PCNP: variants seen among roughly 807,000 people sequenced by gnomAD.
PCNP encodes the protein PEST proteolytic signal-containing nuclear protein.
A neutral mutation model predicts 21.8 loss-of-function variants in PCNP; 6 were observed. The observed-to-expected ratio is 0.28, with a 90% CI of 0.15 to 0.54. The LOEUF is 0.54. Among genes scored for constraint, PCNP ranks in the 20% least tolerant of loss-of-function variants. The pLI, the probability that PCNP is intolerant of heterozygous loss-of-function variation, is 0.95. For missense variants in PCNP, 161 were observed against 215.5 expected (o/e 0.75, Z 1.58); for synonymous variants, 67 against 73.2 (o/e 0.92, Z 0.43).
At chr3:101,576,422 A>G (rs878936623) in intron 1 of PCNP, 1 of 1,235,134 alleles carries the variant, frequency 8.1e-7, no homozygotes, top group Non-Finnish European at 1.1e-6. Flanking sequence ...TTTATTTTTT[A>G]TTTTTTTTAT....
chr3:101,579,057 A>G (rs980536369), intron 1 of PCNP, among the ~76,000 whole-genome samples: 40 of 152,152 alleles, frequency 2.6e-4, no homozygotes, highest in African/African-American at 8.9e-4. Flanking sequence ...CTACATATGT[A>G]TGCCTTCTAC....
At position 101,577,082 on chromosome 3, in the gene PCNP, C is replaced by T. The variant is rs189891183; in HGVS notation, c.65-2708C>T. The T allele has an allele frequency of 3.0e-4, 205 of 672,138 alleles. 2 individuals carry two copies. Among genetic ancestry groups the T allele is most frequent in the South Asian group, 2.1e-3 (129 of 62,386 alleles). The allele number at this position is 672,138 out of a possible 1,614,324, so 41.6% of individuals were successfully genotyped here. ...CCTCGTGATCCGCCCGCCTCGGCCTCCCGAAGTGCTGGGATTACAGGCGTC... is the reference window on the plus strand; with the variant it reads ...CCTCGTGATCCGCCCGCCTCGGCCTTCCGAAGTGCTGGGATTACAGGCGTC... On this transcript the variant is annotated intron_variant, in intron 1 of 4. Transcript: ENST00000265260.
chr3:101,585,648 A>G, intron 3 of PCNP, 137 bp downstream of exon 3: 1 of 562,248 alleles, frequency 1.8e-6, no homozygotes, highest in Non-Finnish European at 3.1e-6. Flanking sequence ...CATCCATAAA[A>G]ACTGGATACT....
At chr3:101,592,140 G>GT (rs1273332810) in intron 4 of PCNP, among the ~76,000 whole-genome samples, 2 of 151,216 alleles carry the variant, frequency 1.3e-5, no homozygotes, top group African/African-American at 4.9e-5. Flanking sequence ...AGTGTTTTTT[G>GT]TTTTTTGTTT....
At chr3:101,587,008 C>T (rs1439659393) in intron 3 of PCNP, among the ~76,000 whole-genome samples, 2 of 152,126 alleles carry the variant, frequency 1.3e-5, no homozygotes, top group South Asian at 2.1e-4. Context: ...AATCCCAACA[C>T]TTTGGGAGGC....
chr3:101,585,963 C>T (rs1935475727), intron 3 of PCNP, among the ~76,000 whole-genome samples: 3 of 151,988 alleles, frequency 2.0e-5, no homozygotes, highest in East Asian at 3.9e-4. Flanking sequence ...TTGAGGTCAG[C>T]GGTTCAAGAC....
chr3:101,592,456 C>T (rs1935865962), intron 4 of PCNP, among the ~76,000 whole-genome samples, 171 bp from the exon 5 acceptor site: 1 of 152,076 alleles, frequency 6.6e-6, no homozygotes, highest in South Asian at 2.1e-4. Context: ...TTACAGGTAT[C>T]AGCACCATGC....
chr3:101,575,953 T>C (rs965297692), intron 1 of PCNP, among the ~76,000 whole-genome samples: 11 of 152,216 alleles, frequency 7.2e-5, no homozygotes, highest in Admixed American at 4.6e-4. Flanking sequence ...TAAATATCCC[T>C]TAACTTCTAC....
At chr3:101,592,529 A>C (rs1935870254) in intron 4 of PCNP, 98 bp from the exon 5 acceptor site, 2 of 941,496 alleles carry the variant, frequency 2.1e-6, no homozygotes, top group Non-Finnish European at 3.2e-6. Flanking sequence ...GTCTGTGTTT[A>C]TAATAGGTGC....
At chr3:101,579,364 T>TCA (rs1935107016) in intron 1 of PCNP, among the ~76,000 whole-genome samples, 3 of 152,158 alleles carry the variant, frequency 2.0e-5, no homozygotes, top group African/African-American at 7.2e-5. Flanking sequence ...GATTATTACA[T>TCA]TACTGAAGAA....
intron 4 of PCNP, among the ~76,000 whole-genome samples, chr3:101,591,766 GTTTTTTTTTTTTTT>G (rs149888934): frequency 9.8e-6 from 1 of 102,310 alleles, no homozygotes; most frequent in Non-Finnish European, 1.9e-5. Flanking sequence ...TGATTTTGGT[GTTTTTTTTTTTTTT>G]TTTTTTTTTA....
At chr3:101,591,368 T>A (rs1338462576) in intron 4 of PCNP, among the ~76,000 whole-genome samples, 1 of 148,098 alleles carries the variant, frequency 6.8e-6, no homozygotes, top group African/African-American at 2.5e-5. Flanking sequence ...GAGTGGTAAA[T>A]CTTTTTCCTT....
rs1935872965 is a variant in PCNP at position 101,592,575 on chromosome 3, C to T, written c.411-52C>T. On this transcript the variant is annotated intron_variant, in intron 4 of 4. Coordinates refer to ENST00000265260, the MANE Select transcript of PCNP (RefSeq NM_020357.3). ...TGTATTGAATGAATCAAAATCATAA[C>T]CTGAAAGGCTTTATATAACATTTTA... 2.1e-6 allele frequency: 3 copies of T among 1,443,800 alleles called. No homozygotes were observed. In the African/African-American group the frequency reaches 4.3e-5, roughly 21 times the overall value. The allele number at this position is 1,443,800 out of a possible 1,614,324, so 89.4% of individuals were successfully genotyped here. A position where few individuals can be genotyped will look rare whatever the true frequency, so the allele number is the denominator to read the frequency against.
chr3:101,574,454 C>G (rs1435160493), intron 1 of PCNP, among the ~76,000 whole-genome samples, 175 bp downstream of exon 1: 1 of 152,204 alleles, frequency 6.6e-6, no homozygotes, highest in African/African-American at 2.4e-5. Context: ...GGCTCCGGGC[C>G]TACATCGCCT....
chr3:101,581,530 T>C (rs1382872772), intron 2 of PCNP, among the ~76,000 whole-genome samples: 9 of 152,042 alleles, frequency 5.9e-5, no homozygotes, highest in Non-Finnish European at 2.9e-5. Flanking sequence ...GCCTCCTGGG[T>C]TCAGGCGATT....
intron 1 of PCNP, among the ~76,000 whole-genome samples, chr3:101,574,557 G>T (rs913032074): frequency 3.3e-5 from 5 of 152,224 alleles, no homozygotes; most frequent in Non-Finnish European, 7.3e-5. Context: ...GCCAGAAAGG[G>T]AGACCGAACT....
Position 101,574,219 on chromosome 3 carries a change from G to A in PCNP, c.4G>A (p.Ala2Thr). ...AGGGGAGGCCGCGGCGGGGAAAATGGCGGACGGGAAGGCGGGAGACGAGAA... is the reference window on the plus strand; with the variant it reads ...AGGGGAGGCCGCGGCGGGGAAAATGACGGACGGGAAGGCGGGAGACGAGAA... M[A>T]DGKAGDEKPE... The change falls in exon 1 of 5, where the codon GCG becomes ACG. Residue 2 changes from alanine to threonine, a missense_variant. This residue lies in a region of PCNP where 43 missense variants were observed against 26.6 expected (regional missense o/e 1.62). Coordinates refer to ENST00000265260, the MANE Select transcript of PCNP (RefSeq NM_020357.3). 1 of 1,549,606 alleles carries A rather than the reference G, an allele frequency of 6.5e-7. No individual in the cohort carries two copies. Among genetic ancestry groups the A allele is most frequent in the Non-Finnish European group, 8.7e-7 (1 of 1,145,888 alleles).
At chr3:101,580,464 ATAT>A (rs760805823) in intron 2 of PCNP, among the ~76,000 whole-genome samples, 1 of 152,156 alleles carries the variant, frequency 6.6e-6, no homozygotes, top group Non-Finnish European at 1.5e-5. Context: ...CCTCTGAAAA[ATAT>A]TGTCAGAAAG....
At position 101,592,723 on chromosome 3, in the gene PCNP, T is replaced by C. The variant is rs755620733; in HGVS notation, c.507T>C (p.His169=). 1 of 1,613,260 alleles carries C rather than the reference T, an allele frequency of 6.2e-7. No individual in the cohort carries two copies. The highest frequency in any genetic ancestry group is 1.3e-5 in the African/African-American group (1 of 74,922). The change falls in exon 5 of 5, where the codon CAT becomes CAC. Residue 169 remains histidine (H), a synonymous_variant. Coordinates refer to ENST00000265260, the MANE Select transcript of PCNP (RefSeq NM_020357.3). The part of the protein sequence containing the change: ...QKLWERNIKS[H]LGNVHDQDN ...TGTGGGAGCGAAATATAAAATCTCA[T>C]CTTGGAAATGTCCATGACCAAGACA...
Sources: gnomAD v4.1 joint callset for allele counts (sites outside exome capture counted in the v4.1 genomes callset) on GRCh38, gnomAD v4.1.1 for gene constraint, gnomAD v4.1.1 regional missense constraint, MANE v1.5 for transcripts, NCBI Gene and HGNC (gene_info 2026-07-23, HGNC 2026-07-21) for gene names.